STK32B: variants seen among roughly 807,000 people sequenced by gnomAD.
The protein encoded by STK32B is serine/threonine kinase 32B, also known as serine/threonine-protein kinase 32B.
A neutral mutation model predicts 52.6 loss-of-function variants in STK32B; 43 were observed. That is an observed-to-expected ratio of 0.82 (90% CI 0.64 to 1.05). The LOEUF (loss-of-function observed/expected upper bound fraction) is 1.05. Ranked by LOEUF, STK32B falls within the 50% of genes least tolerant of loss-of-function variation. The probability of loss-of-function intolerance (pLI) is 0.00; values close to 1 mark genes in which losing one functional copy is unlikely to be tolerated. For synonymous variants in STK32B, 238 were observed against 204.3 expected (o/e 1.17, Z -1.41); for missense variants, 621 against 534.6 (o/e 1.16, Z -1.59).
chr4:5,191,271 G>C (rs1335391873), intron 3 of STK32B, among the ~76,000 whole-genome samples: 1 of 149,230 alleles, frequency 6.7e-6, no homozygotes, highest in Non-Finnish European at 1.5e-5. Flanking sequence ...TTTTTTTTGA[G>C]ACAGAGTCTC....
At chr4:5,471,530 C>A (rs1264262928) in intron 11 of STK32B, among the ~76,000 whole-genome samples, 1 of 152,212 alleles carries the variant, frequency 6.6e-6, no homozygotes, top group East Asian at 1.9e-4. Context: ...CAGACTCTAG[C>A]CTCTAGAGCT....
chr4:5,421,856 C>T (rs1712677971), intron 6 of STK32B, among the ~76,000 whole-genome samples: 1 of 152,132 alleles, frequency 6.6e-6, no homozygotes, highest in African/African-American at 2.4e-5. Flanking sequence ...TGTGAGGAAC[C>T]AGAGGTCTGG....
At chr4:5,429,675 T>C (rs1212203763) in intron 6 of STK32B, among the ~76,000 whole-genome samples, 6 of 152,168 alleles carry the variant, frequency 3.9e-5, no homozygotes, top group Non-Finnish European at 8.8e-5. Flanking sequence ...TCTTTCTTTG[T>C]GTAGCTTCAA....
chr4:5,209,684 AC>A (rs1312664873), intron 3 of STK32B, among the ~76,000 whole-genome samples: 1 of 152,214 alleles, frequency 6.6e-6, no homozygotes, highest in East Asian at 1.9e-4. Context: ...GCTGCCATCT[AC>A]ACCAAGCACC....
intron 11 of STK32B, among the ~76,000 whole-genome samples, chr4:5,483,838 G>A (rs1216051783): frequency 1.1e-4 from 16 of 152,098 alleles, no homozygotes; most frequent in South Asian, 2.1e-4. Context: ...CCTTCATTTC[G>A]TTGTGTACCC....
At chr4:5,443,522 T>C (rs1300533863) in intron 6 of STK32B, among the ~76,000 whole-genome samples, 2 of 152,142 alleles carry the variant, frequency 1.3e-5, no homozygotes, top group Non-Finnish European at 2.9e-5. Context: ...TTTTTCAAAG[T>C]TTTCAACTTC....
chr4:5,426,426 C>T (rs968987967), intron 6 of STK32B, among the ~76,000 whole-genome samples: 7 of 151,784 alleles, frequency 4.6e-5, no homozygotes, highest in Admixed American at 1.3e-4. Flanking sequence ...TTATTTTGGC[C>T]GGGTGTGGTG....
intron 1 of STK32B, among the ~76,000 whole-genome samples, chr4:5,101,605 G>A (rs1713792444): frequency 6.6e-6 from 1 of 152,148 alleles, no homozygotes; most frequent in Admixed American, 6.5e-5. Flanking sequence ...ATCCCATCTT[G>A]TACCCCAATT....
intron 1 of STK32B, among the ~76,000 whole-genome samples, chr4:5,069,678 G>A (rs1023973456): frequency 6.6e-6 from 1 of 152,190 alleles, no homozygotes; most frequent in Non-Finnish European, 1.5e-5. Flanking sequence ...ATTGATGTCA[G>A]TACTAAATGA....
chr4:5,056,977 T>G (rs1379006759), intron 1 of STK32B, among the ~76,000 whole-genome samples: 1 of 152,220 alleles, frequency 6.6e-6, no homozygotes, highest in Admixed American at 6.5e-5. Flanking sequence ...TTGGGACCCT[T>G]TGGTGTATCC....
At chr4:5,242,311 A>G (rs111569189) in intron 3 of STK32B, among the ~76,000 whole-genome samples, 12,274 of 151,960 alleles carry the variant, frequency 0.081, 749 homozygotes, top group African/African-American at 0.17. Flanking sequence ...TTTGATTTGC[A>G]TTTTTCTGAT....
intron 1 of STK32B, among the ~76,000 whole-genome samples, chr4:5,080,132 A>G (rs1712328248): frequency 6.6e-6 from 1 of 152,122 alleles, no homozygotes; most frequent in African/African-American, 2.4e-5. Context: ...AACTAAGATC[A>G]TGTTACTCCA....
intron 1 of STK32B, among the ~76,000 whole-genome samples, chr4:5,059,686 A>G (rs577830808): frequency 6.6e-6 from 1 of 152,370 alleles, no homozygotes; most frequent in East Asian, 1.9e-4. Context: ...CTATAAAAGC[A>G]CAACTTGCTG....
intron 7 of STK32B, among the ~76,000 whole-genome samples, 187 bp from the exon 8 acceptor site, chr4:5,456,620 C>T (rs1261651872): frequency 6.6e-6 from 1 of 152,256 alleles, no homozygotes; most frequent in Non-Finnish European, 1.5e-5. Context: ...AGGTCCTGCA[C>T]TGCCCCCTGG....
chr4:5,372,719 T>G (rs1735328518), intron 4 of STK32B, among the ~76,000 whole-genome samples: 1 of 121,532 alleles, frequency 8.2e-6, no homozygotes, highest in South Asian at 3.0e-4. Flanking sequence ...CAGGAGAAAG[T>G]TGGGGGGGGG....
intron 11 of STK32B, among the ~76,000 whole-genome samples, chr4:5,498,030 A>G (rs1420084026): frequency 6.6e-6 from 1 of 152,178 alleles, no homozygotes; most frequent in Non-Finnish European, 1.5e-5. Flanking sequence ...AGCCTCCTGC[A>G]AAGTGAACAA....
At chr4:5,094,013 C>T (rs1049384141) in intron 1 of STK32B, among the ~76,000 whole-genome samples, 34 of 152,136 alleles carry the variant, frequency 2.2e-4, no homozygotes, top group African/African-American at 8.0e-4. Context: ...AATGAATCCA[C>T]GATAAAGACC....
chr4:5,294,517 T>C (rs999806984), intron 3 of STK32B, among the ~76,000 whole-genome samples: 5 of 152,136 alleles, frequency 3.3e-5, no homozygotes, highest in African/African-American at 1.2e-4. Flanking sequence ...TCTTAGGTAT[T>C]TTATTCTCTT....
At chr4:5,492,706 G>GTT (rs1407124793) in intron 11 of STK32B, among the ~76,000 whole-genome samples, 1 of 151,234 alleles carries the variant, frequency 6.6e-6, no homozygotes, top group East Asian at 1.9e-4. Flanking sequence ...GATATTGGCT[G>GTT]TGGGTTTGTC....
Sources: gnomAD v4.1 joint callset for allele counts (sites outside exome capture counted in the v4.1 genomes callset) on GRCh38, gnomAD v4.1.1 for gene constraint, MANE v1.5 for transcripts, NCBI Gene and HGNC (gene_info 2026-07-23, HGNC 2026-07-21) for gene names.